The following CPA6 variants were observed in gnomAD, a reference collection of about 807,000 sequenced individuals.
CPA6 encodes carboxypeptidase A6.
A neutral mutation model predicts 63.3 loss-of-function variants in CPA6; 58 were observed. That is an observed-to-expected ratio of 0.92 (90% CI 0.74 to 1.14). The LOEUF (loss-of-function observed/expected upper bound fraction) is 1.14, where lower values mean the gene tolerates loss of function less well. Ranked by LOEUF, CPA6 falls within the 50% of genes most tolerant of loss-of-function variation. The pLI is 0.00. For synonymous variants in CPA6, 185 were observed against 179.0 expected, an observed-to-expected ratio of 1.03 and a Z score of -0.27; for missense variants, 565 against 526.6, an observed-to-expected ratio of 1.07 and a Z score of -0.71.
intron 8 of CPA6, among the ~76,000 whole-genome samples, chr8:67,473,437 A>C (rs116266020): frequency 0.02 from 3,001 of 152,310 alleles, 94 homozygotes; most frequent in African/African-American, 0.066. Context: ...TAATGAATAC[A>C]AGGAAAAAGA....
At chr8:67,445,225 AT>A (rs113165576) in intron 8 of CPA6, among the ~76,000 whole-genome samples, 12,354 of 151,568 alleles carry the variant, frequency 0.082, 1,229 homozygotes, top group African/African-American at 0.24. Flanking sequence ...CAGATTTAAG[AT>A]TTTTTTTTGG....
At chr8:67,423,331 C>A (rs556501837) in intron 10 of CPA6, among the ~76,000 whole-genome samples, 1 of 152,220 alleles carries the variant, frequency 6.6e-6, no homozygotes, top group Non-Finnish European at 1.5e-5. Context: ...CTGATCCTCC[C>A]GCCTTGGCCT....
intron 8 of CPA6, among the ~76,000 whole-genome samples, chr8:67,439,610 A>G (rs1810244125): frequency 6.6e-6 from 1 of 151,914 alleles, no homozygotes; most frequent in African/African-American, 2.4e-5. Flanking sequence ...AAGAAAGAAA[A>G]AGAAAAAGAA....
At chr8:67,623,425 T>C (rs1048923555) in intron 2 of CPA6, among the ~76,000 whole-genome samples, 7 of 152,084 alleles carry the variant, frequency 4.6e-5, no homozygotes, top group Non-Finnish European at 1.0e-4. Context: ...TTTTTTTTCT[T>C]GAGACAGGGT....
intron 1 of CPA6, among the ~76,000 whole-genome samples, chr8:67,725,003 G>A (rs550452905): frequency 5.9e-5 from 9 of 152,308 alleles, no homozygotes; most frequent in African/African-American, 2.2e-4. Flanking sequence ...AACCACAGTT[G>A]TAATTAATCT....
rs530052424 is a variant in CPA6, at chr8:67,461,672, C to G, written c.838+22096G>C. ...GGTGCCCCTCACCTCCCGGACGGGG[C>G]GGCTGGCCGGGCAGGGGGCTGACCC... On this transcript the variant is annotated intron_variant, in intron 8 of 10. Coordinates refer to ENST00000297770, the MANE Select transcript of CPA6 (RefSeq NM_020361.5). 2.7e-3 allele frequency among the ~76,000 whole-genome samples: 404 copies of G among 152,072 alleles called. 3 individuals are homozygous for G. Among genetic ancestry groups the G allele is most frequent in the Non-Finnish European group, 4.3e-3 (289 of 67,948 alleles).
chr8:67,662,087 C>T (rs1252053973), intron 1 of CPA6, among the ~76,000 whole-genome samples: 1 of 152,064 alleles, frequency 6.6e-6, no homozygotes, highest in Non-Finnish European at 1.5e-5. Flanking sequence ...GATTTTGGTG[C>T]AGGTTCTGGG....
In CPA6 at chr8:67,557,629, G is replaced by A. The variant is rs570325237; in HGVS notation, c.193-39582C>T. Among the ~76,000 whole-genome samples the A allele has an allele frequency of 3.3e-5, 5 of 152,248 alleles. No individual in the cohort carries two copies. The South Asian group carries it at 8.3e-4, about 25-fold the overall frequency. On this transcript the variant is annotated intron_variant, in intron 2 of 10. Coordinates refer to ENST00000297770, the MANE Select transcript of CPA6 (RefSeq NM_020361.5). Reference sequence around the variant, plus strand: ...AGAGGTCTGATCTCAGTTCTGCAGGGTGTCTGCTCAGAGCTCCTGGGGCAC... The same window carrying A: ...AGAGGTCTGATCTCAGTTCTGCAGGATGTCTGCTCAGAGCTCCTGGGGCAC...
intron 8 of CPA6, among the ~76,000 whole-genome samples, chr8:67,465,432 CATT>C (rs1272915389): frequency 2.0e-5 from 3 of 152,118 alleles, no homozygotes; most frequent in Non-Finnish European, 2.9e-5. Flanking sequence ...TATAGAATCA[CATT>C]ATTTGTAAAG....
intron 2 of CPA6, among the ~76,000 whole-genome samples, chr8:67,530,402 C>G (rs1396690082): frequency 6.6e-6 from 1 of 151,812 alleles, no homozygotes; most frequent in Non-Finnish European, 1.5e-5. Flanking sequence ...GAAAATAGAC[C>G]CAGACCAAAT....
At chr8:67,582,182 A>G (rs112699717) in intron 2 of CPA6, among the ~76,000 whole-genome samples, 136 of 152,314 alleles carry the variant, frequency 8.9e-4, no homozygotes, top group African/African-American at 3.0e-3. Flanking sequence ...AATGGAAGGC[A>G]TAAAATCACG....
intron 1 of CPA6, among the ~76,000 whole-genome samples, chr8:67,682,919 A>G (rs191217198): frequency 2.0e-4 from 31 of 152,130 alleles, no homozygotes; most frequent in African/African-American, 7.0e-4. Flanking sequence ...TTCTTTCTTC[A>G]CATGTATTTG....
intron 1 of CPA6, among the ~76,000 whole-genome samples, chr8:67,647,335 C>CT (rs74274955): frequency 0.031 from 4,537 of 145,160 alleles, 127 homozygotes; most frequent in African/African-American, 0.072. Flanking sequence ...ATAGGATAAT[C>CT]TTTTTTTTTT....
intron 1 of CPA6, among the ~76,000 whole-genome samples, chr8:67,688,702 C>A (rs1187933059): frequency 6.6e-6 from 1 of 152,048 alleles, no homozygotes; most frequent in Admixed American, 6.6e-5. Flanking sequence ...CTCCTAGTTT[C>A]GGTTTGTGTT....
intron 2 of CPA6, among the ~76,000 whole-genome samples, chr8:67,617,793 C>T (rs1587639863): frequency 6.6e-6 from 1 of 152,214 alleles, no homozygotes; most frequent in South Asian, 2.1e-4. Flanking sequence ...CTTATCTTCT[C>T]ACTGCTGGTA....
intron 1 of CPA6, among the ~76,000 whole-genome samples, chr8:67,693,828 A>G (rs1422032329): frequency 1.3e-5 from 2 of 152,212 alleles, no homozygotes; most frequent in Admixed American, 1.3e-4. Context: ...TGGAACCAAG[A>G]AGTAGCAACT....
chr8:67,459,341 T>C (rs540331974), intron 8 of CPA6, among the ~76,000 whole-genome samples: 4 of 152,222 alleles, frequency 2.6e-5, no homozygotes, highest in East Asian at 3.9e-4. Context: ...TTCTTTATAA[T>C]TGACAAAATT....
chr8:67,661,413 G>A (rs759168726), intron 1 of CPA6, among the ~76,000 whole-genome samples: 2 of 152,148 alleles, frequency 1.3e-5, no homozygotes, highest in Non-Finnish European at 2.9e-5. Flanking sequence ...CCAAGGGACC[G>A]AGGAAGCCGC....
intron 2 of CPA6, among the ~76,000 whole-genome samples, chr8:67,555,117 T>G (rs558476384): frequency 6.6e-6 from 1 of 152,214 alleles, no homozygotes; most frequent in East Asian, 1.9e-4. Context: ...AAATATTTGG[T>G]TTTTGTCCCC....
Sources: allele counts gnomAD v4.1 joint callset (sites outside exome capture counted in the v4.1 genomes callset), GRCh38; gene constraint gnomAD v4.1.1; transcripts MANE v1.5; gene names NCBI Gene and HGNC (gene_info 2026-07-23, HGNC 2026-07-21).